DLGAP2: variants seen among roughly 807,000 people sequenced by gnomAD.
DLGAP2 encodes DLG associated protein 2.
DLGAP2 carries 26 observed loss-of-function variants against 100.3 expected under a neutral mutation model. That is an observed-to-expected ratio of 0.26 (90% CI 0.19 to 0.36). DLGAP2 has a LOEUF of 0.36. Ranked by LOEUF, DLGAP2 falls within the 10% of genes least tolerant of loss-of-function variation. DLGAP2 has a pLI of 1.00. For missense variants in DLGAP2, 1,858 were observed against 1,453.2 expected, an observed-to-expected ratio of 1.28 and a Z score of -4.53; for synonymous variants, 886 against 630.1, an observed-to-expected ratio of 1.41 and a Z score of -6.08.
chr8:1,612,551 T>A (rs1405096584), intron 6 of DLGAP2, among the ~76,000 whole-genome samples: 3 of 108,628 alleles, frequency 2.8e-5, no homozygotes, highest in Non-Finnish European at 3.8e-5. Flanking sequence ...GGGATCTAAT[T>A]AAACTAAAGA....
chr8:1,463,847 C>G (rs1584928890), intron 3 of DLGAP2, among the ~76,000 whole-genome samples: 2 of 152,218 alleles, frequency 1.3e-5, no homozygotes, highest in Admixed American at 1.3e-4. Context: ...TGAGCTGATT[C>G]ACAAGCTCTG....
At chr8:870,019 A>G (rs1217502799) in intron 1 of DLGAP2, among the ~76,000 whole-genome samples, 1 of 152,180 alleles carries the variant, frequency 6.6e-6, no homozygotes, top group Non-Finnish European at 1.5e-5. Context: ...AAAAAAAAAA[A>G]AAATGATTTG....
chr8:1,237,234 C>T (rs1269248078), intron 2 of DLGAP2, among the ~76,000 whole-genome samples: 540 of 141,756 alleles, frequency 3.8e-3, no homozygotes, highest in Middle Eastern at 0.015. Flanking sequence ...CACATGGCGC[C>T]GTGTCTAGTT....
intron 3 of DLGAP2, among the ~76,000 whole-genome samples, chr8:1,377,373 T>A (rs998682760): frequency 6.6e-6 from 1 of 152,066 alleles, no homozygotes; most frequent in African/African-American, 2.4e-5. Context: ...TGAAACCCCG[T>A]CTCTACAGAA....
chr8:1,135,491 GT>G (rs1224002677), intron 2 of DLGAP2, among the ~76,000 whole-genome samples: 4 of 113,346 alleles, frequency 3.5e-5, no homozygotes, highest in Non-Finnish European at 5.7e-5. Context: ...TCCTAGAAGG[GT>G]TTTTTTGTGG....
rs1183811302 is a variant in DLGAP2, at chr8:1,501,385, G to C, written c.126G>C (p.Leu42Phe). The change falls in exon 4 of 15, where the codon TTG (leucine) becomes TTC (phenylalanine). Residue 42 changes from leucine to phenylalanine, a missense_variant. Physicochemically the swap from Leu to Phe is conservative, Grantham distance 22 (BLOSUM62 0). Transcript: ENST00000637795. ...TTGCAGAGGAAGAAGCTGGAGACTT[G>C]GTCCAGCCGGGCATCAGCTTTCCGG... Reference protein sequence around the residue: ...GEPEEEEAGDLVQPGISFPGP... With the variant: ...GEPEEEEAGDFVQPGISFPGP... The C allele has an allele frequency of 3.3e-6, 5 of 1,535,850 alleles. No individual in the cohort carries two copies. The East Asian group carries it at 7.3e-5, about 23-fold the overall frequency.
intron 2 of DLGAP2, among the ~76,000 whole-genome samples, chr8:1,232,253 G>A (rs1798550699): frequency 2.0e-5 from 3 of 152,196 alleles, no homozygotes; most frequent in African/African-American, 7.2e-5. Flanking sequence ...CAACGCAAAA[G>A]GACCCCGTGC....
intron 3 of DLGAP2, among the ~76,000 whole-genome samples, chr8:1,337,399 G>GTGA (rs371669937): frequency 6.4e-4 from 1 of 1,560 alleles, no homozygotes. Context: ...GAGGATGATG[G>GTGA]TGATGATGGT....
At chr8:1,124,100 C>T (rs1421826532) in intron 2 of DLGAP2, among the ~76,000 whole-genome samples, 2 of 152,164 alleles carry the variant, frequency 1.3e-5, no homozygotes, top group Non-Finnish European at 2.9e-5. Flanking sequence ...TCATGCATAT[C>T]GTTTCCCCAG....
intron 2 of DLGAP2, among the ~76,000 whole-genome samples, chr8:1,071,198 T>C (rs1193656742): frequency 1.3e-5 from 2 of 152,212 alleles, no homozygotes; most frequent in Non-Finnish European, 2.9e-5. Context: ...TTTCCAGTTT[T>C]AGCTTTTGTG....
At chr8:1,228,538 A>T (rs141089391) in intron 2 of DLGAP2, among the ~76,000 whole-genome samples, 44 of 152,338 alleles carry the variant, frequency 2.9e-4, no homozygotes, top group Middle Eastern at 3.4e-3. Context: ...ATGAATATAG[A>T]TATAAAAATC....
chr8:1,589,644 C>A (rs73174731), intron 6 of DLGAP2, among the ~76,000 whole-genome samples: 6,281 of 152,226 alleles, frequency 0.041, 167 homozygotes, highest in Non-Finnish European at 0.06. Context: ...GATGGGGTTT[C>A]ATCACGTAGC....
chr8:1,132,780 GC>G (rs1796323367), intron 2 of DLGAP2, among the ~76,000 whole-genome samples: 1 of 152,212 alleles, frequency 6.6e-6, no homozygotes, highest in Non-Finnish European at 1.5e-5. Context: ...ACCCATGGAG[GC>G]CACACATTGG....
intron 3 of DLGAP2, among the ~76,000 whole-genome samples, chr8:1,417,080 C>T (rs368756254): frequency 9.3e-4 from 8 of 8,580 alleles, no homozygotes; most frequent in African/African-American, 1.6e-3. Context: ...GGAGAAAGGG[C>T]GGGGGTGGGG....
At chr8:1,475,201 G>A (rs1003906173) in intron 3 of DLGAP2, among the ~76,000 whole-genome samples, 4 of 152,080 alleles carry the variant, frequency 2.6e-5, no homozygotes, top group Admixed American at 2.0e-4. Context: ...ACAAGACACC[G>A]GGAACTACTG....
At chr8:1,206,737 A>G (rs1393792553) in intron 2 of DLGAP2, among the ~76,000 whole-genome samples, 2 of 152,216 alleles carry the variant, frequency 1.3e-5, no homozygotes, top group Non-Finnish European at 1.5e-5. Context: ...TGCGTCCTGG[A>G]GAACTGGTCT....
In DLGAP2 at chr8:1,077,895, G is replaced by A. The variant is rs752671650; in HGVS notation, c.73+169929G>A. Reference sequence around the variant, plus strand: ...TCAGCACACGCCCGTGTGCGTGCACGAGTTCTCCAGCGGCCGCCGCACAGC... The same window carrying A: ...TCAGCACACGCCCGTGTGCGTGCACAAGTTCTCCAGCGGCCGCCGCACAGC... On this transcript the variant is annotated intron_variant, in intron 2 of 14. Coordinates refer to ENST00000637795, the MANE Select transcript of DLGAP2 (RefSeq NM_001346810.2). 3.9e-5 allele frequency among the ~76,000 whole-genome samples: 6 copies of A among 152,176 alleles called. No homozygotes were observed. In the East Asian group the frequency reaches 1.2e-3, roughly 29 times the overall value.
chr8:1,155,450 C>T (rs1334214247), intron 2 of DLGAP2, among the ~76,000 whole-genome samples: 3 of 152,110 alleles, frequency 2.0e-5, no homozygotes, highest in African/African-American at 7.2e-5. Flanking sequence ...CCCTGGGAGT[C>T]TTTTAGCAAC....
At chr8:1,627,313 G>A (rs1585010918) in intron 7 of DLGAP2, among the ~76,000 whole-genome samples, 1 of 152,182 alleles carries the variant, frequency 6.6e-6, no homozygotes, top group East Asian at 1.9e-4. Context: ...GTCGCTCACA[G>A]AGTCCTGCCG....
Sources: gnomAD v4.1 joint callset for allele counts (sites outside exome capture counted in the v4.1 genomes callset) on GRCh38, gnomAD v4.1.1 for gene constraint, MANE v1.5 for transcripts, NCBI Gene and HGNC (gene_info 2026-07-23, HGNC 2026-07-21) for gene names.